The following SOX6 variants were observed in gnomAD, a reference collection of about 807,000 sequenced individuals.
SOX6 encodes the protein transcription factor SOX-6.
SOX6 carries 11 observed loss-of-function variants against 97.8 expected under a neutral mutation model. The ratio of observed to expected loss-of-function variants is 0.11; its 90% CI spans 0.07 to 0.19. The LOEUF (loss-of-function observed/expected upper bound fraction) is 0.19, where lower values mean the gene tolerates loss of function less well. Ranked by LOEUF, SOX6 falls within the 10% of genes least tolerant of loss-of-function variation. The probability of loss-of-function intolerance (pLI) is 1.00; values close to 1 mark genes in which losing one functional copy is unlikely to be tolerated. For synonymous variants in SOX6, 360 were observed against 371.4 expected (o/e 0.97, Z 0.35); for missense variants, 810 against 1,039.5 (o/e 0.78, Z 3.04).
At chr11:16,464,408 T>A in intron 1 of SOX6, among the ~76,000 whole-genome samples, 1 of 148,202 alleles carries the variant, frequency 6.7e-6, no homozygotes, top group African/African-American at 2.5e-5. Context: ...ATCACACAAC[T>A]CAGCACATAG....
rs187224297 is a variant in SOX6 at position 16,046,075 on chromosome 11, C to T, written c.1623+439G>A. Among the ~76,000 whole-genome samples the T allele has an allele frequency of 1.1e-3, 164 of 152,156 alleles. No individual in the cohort carries two copies. In the Middle Eastern group the frequency reaches 0.017, roughly 16 times the overall value. On this transcript the variant is annotated intron_variant, in intron 12 of 15. Transcript: ENST00000683767. ...CCAAATGAATGCAATTTGCAAATTG[C>T]TTTGTTTTGCTTCATTTTTTTGTCC...
chr11:16,718,137 T>C (rs1848231985), intron 2 of SOX6, among the ~76,000 whole-genome samples: 1 of 152,076 alleles, frequency 6.6e-6, no homozygotes, highest in African/African-American at 2.4e-5. Context: ...AGGACTGCTT[T>C]CCTATACTGA....
intron 7 of SOX6, among the ~76,000 whole-genome samples, chr11:16,109,959 C>G (rs1226179205): frequency 6.6e-6 from 1 of 152,124 alleles, no homozygotes; most frequent in Admixed American, 6.6e-5. Context: ...GCCCTTTGTT[C>G]AATAGAAGTA....
At chr11:16,429,211 T>C (rs1271656643) in intron 1 of SOX6, among the ~76,000 whole-genome samples, 1 of 152,210 alleles carries the variant, frequency 6.6e-6, no homozygotes, top group Non-Finnish European at 1.5e-5. Flanking sequence ...AACGGAATGC[T>C]TATACACTGT....
intron 4 of SOX6, chr11:16,484,716 C>A: frequency 1.8e-6 from 1 of 548,940 alleles, no homozygotes; most frequent in South Asian, 2.1e-5. Flanking sequence ...GTGCCTAGTT[C>A]AGTCCAAGAT....
intron 4 of SOX6, among the ~76,000 whole-genome samples, chr11:16,574,780 A>G (rs1313571910): frequency 1.3e-5 from 2 of 151,922 alleles, no homozygotes; most frequent in Admixed American, 1.3e-4. Flanking sequence ...TTAAAAAAAG[A>G]TCCTGTAATC....
chr11:16,124,898 G>T (rs1030666758), intron 6 of SOX6, among the ~76,000 whole-genome samples: 46 of 151,986 alleles, frequency 3.0e-4, no homozygotes, highest in Admixed American at 2.9e-3. Flanking sequence ...GCCCAAAATG[G>T]GGATAATGGG....
At chr11:16,656,517 C>T (rs1410130959) in intron 3 of SOX6, among the ~76,000 whole-genome samples, 1 of 152,104 alleles carries the variant, frequency 6.6e-6, no homozygotes, top group Non-Finnish European at 1.5e-5. Context: ...TCATCTTAAA[C>T]AATTTTTCAG....
chr11:16,107,772 A>T (rs1849132064), intron 7 of SOX6, among the ~76,000 whole-genome samples: 1 of 152,150 alleles, frequency 6.6e-6, no homozygotes, highest in Admixed American at 6.5e-5. Context: ...ATACTTACAA[A>T]TGGCTAAAAC....
intron 1 of SOX6, among the ~76,000 whole-genome samples, chr11:16,376,914 T>C (rs1379324166): frequency 2.0e-5 from 3 of 151,386 alleles, no homozygotes; most frequent in East Asian, 3.9e-4. Context: ...ACAGGGAATA[T>C]ATGAAGTAGA....
intron 9 of SOX6, among the ~76,000 whole-genome samples, chr11:16,068,723 G>A (rs1048175908): frequency 3.3e-5 from 5 of 152,056 alleles, no homozygotes; most frequent in Non-Finnish European, 7.4e-5. Context: ...CTACCTGTCT[G>A]TCACAATCCT....
At chr11:16,081,265 A>G (rs1253720447) in intron 9 of SOX6, among the ~76,000 whole-genome samples, 1 of 152,102 alleles carries the variant, frequency 6.6e-6, no homozygotes, top group Non-Finnish European at 1.5e-5. Context: ...AGATGTTCAC[A>G]CTAAGGGCCA....
chr11:16,145,801 G>A (rs1850276902), intron 6 of SOX6, among the ~76,000 whole-genome samples: 1 of 152,122 alleles, frequency 6.6e-6, no homozygotes, highest in South Asian at 2.1e-4. Context: ...CAAGGGATGT[G>A]AAGGACCTCT....
At chr11:16,468,146 C>T (rs780230635) in intron 1 of SOX6, among the ~76,000 whole-genome samples, 15 of 152,172 alleles carry the variant, frequency 9.9e-5, no homozygotes, top group Non-Finnish European at 1.6e-4. Context: ...TTTTCTCCAT[C>T]GGGCACTGAA....
chr11:16,341,293 T>A (rs748665958), intron 1 of SOX6, 41 bp from the exon 2 acceptor site: 1 of 1,607,022 alleles, frequency 6.2e-7, no homozygotes, highest in Non-Finnish European at 8.5e-7. Context: ...TGGCTGTCAA[T>A]AACAAACCAT....
chr11:16,662,463 A>T (rs555890891), intron 3 of SOX6, among the ~76,000 whole-genome samples: 205 of 152,280 alleles, frequency 1.3e-3, no homozygotes, highest in Middle Eastern at 3.4e-3. Flanking sequence ...CTGCAGTTTG[A>T]ATATCCCTCA....
At chr11:16,348,980 C>T (rs897050461) in intron 1 of SOX6, among the ~76,000 whole-genome samples, 5 of 152,120 alleles carry the variant, frequency 3.3e-5, no homozygotes, top group African/African-American at 9.7e-5. Context: ...ATCTAGAATT[C>T]TCATCCAAAT....
At chr11:16,575,458 G>A (rs957006230) in intron 4 of SOX6, among the ~76,000 whole-genome samples, 3 of 152,108 alleles carry the variant, frequency 2.0e-5, no homozygotes, top group Non-Finnish European at 4.4e-5. Context: ...AAGGTTTATA[G>A]CAGCATTGTT....
At chr11:16,370,205 C>T (rs1357919315) in intron 1 of SOX6, among the ~76,000 whole-genome samples, 1 of 152,106 alleles carries the variant, frequency 6.6e-6, no homozygotes, top group African/African-American at 2.4e-5. Context: ...TTCCATCAGC[C>T]CCATGGCTGG....
Sources: gnomAD v4.1 joint callset for allele counts (sites outside exome capture counted in the v4.1 genomes callset) on GRCh38, gnomAD v4.1.1 for gene constraint, MANE v1.5 for transcripts, NCBI Gene and HGNC (gene_info 2026-07-23, HGNC 2026-07-21) for gene names.